The following GIPC2 variants were observed in gnomAD, a reference collection of about 807,000 sequenced individuals.
The protein encoded by GIPC2 is GIPC PDZ domain containing family member 2, also known as PDZ domain-containing protein GIPC2.
In GIPC2, 30 loss-of-function variants were observed where a neutral mutation model predicts 30.6. That is an observed-to-expected ratio of 0.98 (90% confidence interval 0.73 to 1.33). GIPC2 has a LOEUF of 1.33. Ranked by LOEUF, GIPC2 falls within the 40% of genes most tolerant of loss-of-function variation. GIPC2 has a pLI of 0.00. For missense variants in GIPC2, 414 were observed against 390.3 expected (o/e 1.06, Z -0.51); for synonymous variants, 167 against 150.0 (o/e 1.11, Z -0.83).
At chr1:78,103,057 G>C (rs964019431) in intron 3 of GIPC2, among the ~76,000 whole-genome samples, 10 of 152,302 alleles carry the variant, frequency 6.6e-5, no homozygotes, top group Admixed American at 6.5e-4. Context: ...CAACCTAAAA[G>C]GTGAAGCAGT....
intron 5 of GIPC2, among the ~76,000 whole-genome samples, chr1:78,131,142 ATTT>A (rs200092430): frequency 1.4e-5 from 2 of 140,192 alleles, no homozygotes; most frequent in African/African-American, 5.2e-5. Flanking sequence ...TTTTAAATCT[ATTT>A]TTTTCTTTTT....
Position 78,095,023 on chromosome 1 carries a change from T to C in GIPC2, c.498T>C (p.Asn166=), listed in dbSNP as rs1318184376. The part of the protein sequence containing the change: ...ICVGDHIESI[N]GENIVGWRHY... ...TTGGGGATCATATTGAATCCATAAATGGAGAAAATATTGTTGGGTGGCGTC... is the reference window on the plus strand; with the variant it reads ...TTGGGGATCATATTGAATCCATAAACGGAGAAAATATTGTTGGGTGGCGTC... Residue 166 remains asparagine (N), a synonymous_variant, in exon 3 of 6, where the codon AAT becomes AAC. Coordinates refer to ENST00000370759, the MANE Select transcript of GIPC2 (RefSeq NM_017655.6). 2 of 1,606,094 alleles carry C rather than the reference T, an allele frequency of 1.2e-6. No individual in the cohort carries two copies. The highest frequency in any genetic ancestry group is 1.7e-6 in the Non-Finnish European group (2 of 1,172,774).
chr1:78,133,062 G>A (rs1308190943), intron 5 of GIPC2, among the ~76,000 whole-genome samples: 1 of 152,074 alleles, frequency 6.6e-6, no homozygotes, highest in Non-Finnish European at 1.5e-5. Context: ...CCAGAGTTCT[G>A]GACTTCACTT....
chr1:78,122,114 G>A (rs1187466185), intron 4 of GIPC2, among the ~76,000 whole-genome samples: 2 of 152,190 alleles, frequency 1.3e-5, no homozygotes, highest in African/African-American at 4.8e-5. Context: ...AGATCTACCT[G>A]GGGAGGTAGG....
chr1:78,060,445 G>A (rs1197597521), intron 1 of GIPC2, among the ~76,000 whole-genome samples: 4 of 151,934 alleles, frequency 2.6e-5, no homozygotes, highest in South Asian at 2.1e-4. Context: ...GCAGCCGACC[G>A]ACCCTCTTTC....
chr1:78,057,742 TATTG>T (rs2102638913), intron 1 of GIPC2, among the ~76,000 whole-genome samples: 1 of 152,288 alleles, frequency 6.6e-6, no homozygotes, highest in South Asian at 2.1e-4. Flanking sequence ...TTAGAAAACT[TATTG>T]GTTATTGGCT....
intron 1 of GIPC2, among the ~76,000 whole-genome samples, chr1:78,067,974 G>T (rs953859869): frequency 2.0e-4 from 31 of 151,954 alleles, no homozygotes; most frequent in Non-Finnish European, 3.7e-4. Flanking sequence ...TAACTAGCCC[G>T]GACTCTTCTG....
intron 2 of GIPC2, chr1:78,091,489 C>G (rs1434208687): frequency 2.9e-6 from 2 of 685,778 alleles, no homozygotes; most frequent in East Asian, 5.2e-5. Context: ...TTTCACCTCC[C>G]GCTGCGCTAA....
rs1484898766 is a variant in GIPC2 at position 78,130,123 on chromosome 1, A to G, written c.796+4161A>G. Among the ~76,000 whole-genome samples the G allele has an allele frequency of 4.1e-5, 4 of 96,568 alleles. No individual in the cohort carries two copies. In the East Asian group the frequency reaches 3.1e-3, roughly 74 times the overall value. 63.4% of individuals were successfully genotyped at this position (96,568 alleles called of 152,430 possible). A position where few individuals can be genotyped will look rare whatever the true frequency, so the allele number is the denominator to read the frequency against. On this transcript the variant is annotated intron_variant, in intron 5 of 5. Coordinates refer to ENST00000370759, the MANE Select transcript of GIPC2 (RefSeq NM_017655.6). ...GGATCACTTTTTTTTTTTTTTTTTCAGACAGAGTCTTGCTCTGTCACCCAG... is the reference window on the plus strand; with the variant it reads ...GGATCACTTTTTTTTTTTTTTTTTCGGACAGAGTCTTGCTCTGTCACCCAG...
intron 1 of GIPC2, among the ~76,000 whole-genome samples, chr1:78,069,663 G>A (rs1263783421): frequency 2.6e-5 from 4 of 151,624 alleles, no homozygotes; most frequent in South Asian, 2.1e-4. Flanking sequence ...TAGTAGACAC[G>A]GGCTTTCACC....
rs376331897 is a variant in GIPC2, at chr1:78,094,999, T to C, written c.474T>C (p.Val158=). The C allele has an allele frequency of 2.5e-6, 4 of 1,606,526 alleles. No individual in the cohort carries two copies. The highest frequency in any genetic ancestry group is 3.4e-6 in the Non-Finnish European group (4 of 1,173,138). The change falls in exon 3 of 6, where the codon GTT becomes GTC. Residue 158 remains valine, a synonymous_variant. Coordinates refer to ENST00000370759, the MANE Select transcript of GIPC2 (RefSeq NM_017655.6). The stretch of plus-strand genomic sequence containing the variant: ...TTGACTCAGTTAAAACAATCTGTGT[T>C]GGGGATCATATTGAATCCATAAATG... The part of the protein sequence containing the change: ...GVIDSVKTIC[V]GDHIESINGE...
intron 1 of GIPC2, among the ~76,000 whole-genome samples, chr1:78,064,765 A>C (rs1308141481): frequency 9.1e-6 from 1 of 110,282 alleles, no homozygotes; most frequent in Non-Finnish European, 1.8e-5. Flanking sequence ...TTTTTTTGAG[A>C]TGGAGTCTCA....
chr1:78,112,025 CAG>C (rs1662474268), intron 3 of GIPC2, among the ~76,000 whole-genome samples: 1 of 152,186 alleles, frequency 6.6e-6, no homozygotes, highest in Non-Finnish European at 1.5e-5. Flanking sequence ...CATTTGAAAA[CAG>C]AGTGATGGTA....
intron 1 of GIPC2, among the ~76,000 whole-genome samples, chr1:78,048,759 A>C (rs1405561674): frequency 6.6e-6 from 1 of 152,056 alleles, no homozygotes; most frequent in African/African-American, 2.4e-5. Flanking sequence ...TTGTTACCCA[A>C]GTTTTCCAGA....
At chr1:78,061,302 A>G (rs545643698) in intron 1 of GIPC2, among the ~76,000 whole-genome samples, 5 of 152,280 alleles carry the variant, frequency 3.3e-5, no homozygotes, top group East Asian at 1.9e-4. Context: ...GAGGAAGCCA[A>G]TTGAAGGTGG....
chr1:78,134,411 A>T (rs75835795), intron 5 of GIPC2, among the ~76,000 whole-genome samples: 2,325 of 151,522 alleles, frequency 0.015, 16 homozygotes, highest in Non-Finnish European at 0.026. Context: ...ATGTGTAACT[A>T]ATCTCTTATC....
chr1:78,066,888 G>T (rs1661522833), intron 1 of GIPC2, among the ~76,000 whole-genome samples: 1 of 152,192 alleles, frequency 6.6e-6, no homozygotes, highest in Non-Finnish European at 1.5e-5. Context: ...AGTGGAGGGT[G>T]GAGGATGGGA....
chr1:78,117,905 C>CT (rs1662598977), intron 3 of GIPC2, among the ~76,000 whole-genome samples: 1 of 152,140 alleles, frequency 6.6e-6, no homozygotes. Flanking sequence ...ACACAAAACT[C>CT]TGAGTATCCT....
At chr1:78,070,027 T>A (rs1661588334) in intron 1 of GIPC2, among the ~76,000 whole-genome samples, 1 of 152,176 alleles carries the variant, frequency 6.6e-6, no homozygotes, top group African/African-American at 2.4e-5. Context: ...TTTTTAAATA[T>A]CACACTCTCT....
Sources: allele counts gnomAD v4.1 joint callset (sites outside exome capture counted in the v4.1 genomes callset), GRCh38; gene constraint gnomAD v4.1.1; transcripts MANE v1.5; gene names NCBI Gene and HGNC (gene_info 2026-07-23, HGNC 2026-07-21).